The following CD163L1 variants were observed in gnomAD, a reference collection of about 807,000 sequenced individuals.
The protein encoded by CD163L1 is CD163 molecule like 1.
A neutral mutation model predicts 165.4 loss-of-function variants in CD163L1; 124 were observed. The observed-to-expected ratio is 0.75, with a 90% CI of 0.65 to 0.87. CD163L1 has a LOEUF of 0.87. CD163L1 is among the 40% of genes least tolerant of loss of function. The pLI, the probability that CD163L1 is intolerant of heterozygous loss-of-function variation, is 0.00. For synonymous variants in CD163L1, 585 were observed against 662.2 expected, an observed-to-expected ratio of 0.88 and a Z score of 1.79; for missense variants, 1,525 against 1,799.9, an observed-to-expected ratio of 0.85 and a Z score of 2.76.
At chr12:7,413,226 G>T (rs993491928) in intron 4 of CD163L1, among the ~76,000 whole-genome samples, 1 of 151,990 alleles carries the variant, frequency 6.6e-6, no homozygotes, top group African/African-American at 2.4e-5. Flanking sequence ...CACAGCTATG[G>T]CCAAGAGAGA....
At chr12:7,417,222 A>C (rs1205028271) in intron 4 of CD163L1, among the ~76,000 whole-genome samples, 1 of 151,836 alleles carries the variant, frequency 6.6e-6, no homozygotes, top group Non-Finnish European at 1.5e-5. Context: ...CTGTTTGTCT[A>C]TTATTGGTGT....
chr12:7,349,727 T>C (rs1946694986), intron 4 of CD163L1, among the ~76,000 whole-genome samples: 1 of 152,180 alleles, frequency 6.6e-6, no homozygotes. Flanking sequence ...TCTACAAATG[T>C]TGACTGAATA....
intron 4 of CD163L1, among the ~76,000 whole-genome samples, chr12:7,417,008 C>T (rs966218701): frequency 2.0e-5 from 3 of 152,046 alleles, no homozygotes; most frequent in Admixed American, 1.3e-4. Flanking sequence ...TTACTTTGGG[C>T]AGTGTGGCCA....
chr12:7,320,690 C>A, the CD163L1 span: 1 of 1,564,822 alleles, frequency 6.4e-7, no homozygotes, highest in African/African-American at 1.4e-5. Flanking sequence ...TTTGAATGAC[C>A]ACTTCTGACA....
chr12:7,329,330 T>C, the CD163L1 span, among the ~76,000 whole-genome samples: 26 of 142,034 alleles, frequency 1.8e-4, no homozygotes, highest in African/African-American at 6.0e-4. Flanking sequence ...TTCAGTACCA[T>C]ATTTAATTTT....
intron 18 of CD163L1, among the ~76,000 whole-genome samples, chr12:7,362,214 TG>T (rs1946908304): frequency 7.5e-6 from 1 of 133,600 alleles, no homozygotes; most frequent in South Asian, 2.4e-4. Flanking sequence ...ATATATCATA[TG>T]TATTATTTTT....
chr12:7,361,242 T>C (rs1010873793), intron 18 of CD163L1, among the ~76,000 whole-genome samples: 2 of 152,200 alleles, frequency 1.3e-5, no homozygotes, highest in African/African-American at 4.8e-5. Flanking sequence ...CTGGTACTTG[T>C]ATTACTTCAA....
chr12:7,391,019 A>G (rs760282657), intron 8 of CD163L1, among the ~76,000 whole-genome samples: 1 of 152,324 alleles, frequency 6.6e-6, no homozygotes, highest in African/African-American at 2.4e-5. Context: ...TCAACGCAGA[A>G]GACAGGTAAC....
intron 9 of CD163L1, among the ~76,000 whole-genome samples, chr12:7,378,270 C>T (rs1947313334): frequency 6.6e-6 from 1 of 152,114 alleles, no homozygotes; most frequent in Non-Finnish European, 1.5e-5. Context: ...AATTCCGTAT[C>T]TTCCCTAGAA....
chr12:7,405,150 C>T (rs1259417835), intron 5 of CD163L1, among the ~76,000 whole-genome samples: 1 of 152,074 alleles, frequency 6.6e-6, no homozygotes. Context: ...GCAAATAGTT[C>T]CAGAAGTTCC....
At chr12:7,433,118 T>C (rs997369500) in intron 3 of CD163L1, among the ~76,000 whole-genome samples, 1 of 152,218 alleles carries the variant, frequency 6.6e-6, no homozygotes, top group African/African-American at 2.4e-5. Flanking sequence ...GATAAAGATA[T>C]TACATTGGTA....
intron 6 of CD163L1, among the ~76,000 whole-genome samples, chr12:7,402,518 C>T (rs776190940): frequency 6.6e-6 from 1 of 152,098 alleles, no homozygotes; most frequent in Non-Finnish European, 1.5e-5. Context: ...GTTATGTAGG[C>T]TCACAATACT....
the CD163L1 span, among the ~76,000 whole-genome samples, chr12:7,333,559 C>T: frequency 2.6e-5 from 4 of 151,930 alleles, no homozygotes; most frequent in Admixed American, 2.6e-4. Flanking sequence ...AAATTGACAC[C>T]CTAACATGAC....
chr12:7,382,330 C>T (rs1446456484), intron 8 of CD163L1, among the ~76,000 whole-genome samples: 2 of 151,946 alleles, frequency 1.3e-5, no homozygotes, highest in Non-Finnish European at 2.9e-5. Context: ...AAGACGGCTA[C>T]TAGAGGCACC....
Position 7,413,091 on chromosome 12 carries a change from C to CAAAAA in CD163L1, c.767-6244_767-6240dup, listed in dbSNP as rs111943372. On this transcript the variant is annotated intron_variant, in intron 4 of 19. Coordinates refer to ENST00000313599, the MANE Select transcript of CD163L1 (RefSeq NM_174941.6). ...TGAGCGACAGAGTGAGACTCCATCT[C>CAAAAA]AAAAAAAAAAAAAAAAAAAAAAGAG... is the stretch of plus-strand genomic sequence containing the variant. Among the ~76,000 whole-genome samples the CAAAAA allele has an allele frequency of 7.8e-3, 307 of 39,496 alleles. 16 individuals carry two copies. Among genetic ancestry groups the CAAAAA allele is most frequent in the African/African-American group, 0.022 (287 of 13,148 alleles). The allele number at this position is 39,496 out of a possible 152,430, so 25.9% of individuals were successfully genotyped here.
the CD163L1 span, among the ~76,000 whole-genome samples, chr12:7,333,633 C>A: frequency 1.3e-5 from 2 of 152,128 alleles, no homozygotes; most frequent in Non-Finnish European, 1.5e-5. Flanking sequence ...CAAGAAATAA[C>A]TAAGATCAGA....
chr12:7,341,608 T>C, the CD163L1 span, among the ~76,000 whole-genome samples: 67 of 152,350 alleles, frequency 4.4e-4, no homozygotes, highest in African/African-American at 1.5e-3. Flanking sequence ...GTGCAGCCAT[T>C]CTGCTAGGTC....
intron 4 of CD163L1, 103 bp from the exon 5 acceptor site, chr12:7,406,955 G>C (rs1197252579): frequency 2.1e-5 from 22 of 1,041,242 alleles, no homozygotes; most frequent in Non-Finnish European, 2.7e-5. Context: ...AATAAATTGA[G>C]ATTCAATGAA....
intron 4 of CD163L1, among the ~76,000 whole-genome samples, chr12:7,420,557 T>C (rs932524735): frequency 2.0e-5 from 3 of 151,376 alleles, no homozygotes; most frequent in South Asian, 2.1e-4. Flanking sequence ...AGGACACAAA[T>C]AGACAATTCT....
Sources: gnomAD v4.1 joint callset for allele counts (sites outside exome capture counted in the v4.1 genomes callset) on GRCh38, gnomAD v4.1.1 for gene constraint, MANE v1.5 for transcripts, NCBI Gene and HGNC (gene_info 2026-07-23, HGNC 2026-07-21) for gene names.